The following ACTMAP variants were observed in gnomAD, a reference collection of about 807,000 sequenced individuals.
ACTMAP encodes the protein UPF0692 protein C19orf54.
the ACTMAP span, chr19:40,742,384 A>G: frequency 3.5e-6 from 5 of 1,432,818 alleles, no homozygotes; most frequent in Admixed American, 2.8e-5. Flanking sequence ...GTGTAGGCAC[A>G]CTTCAAATGG....
the ACTMAP span, among the ~76,000 whole-genome samples, chr19:40,748,590 C>T: frequency 6.6e-6 from 1 of 152,280 alleles, no homozygotes; most frequent in South Asian, 2.1e-4. Context: ...TCCTTTTCTG[C>T]ACAGAGCCTC....
the ACTMAP span, among the ~76,000 whole-genome samples, chr19:40,749,037 C>T: frequency 7.2e-6 from 1 of 139,822 alleles, no homozygotes; most frequent in African/African-American, 2.7e-5. Flanking sequence ...GTCTTCCAGG[C>T]TGGAGTGCAG....
At chr19:40,744,836 A>C in the ACTMAP span, 2 of 1,202,394 alleles carry the variant, frequency 1.7e-6, no homozygotes, top group Admixed American at 5.6e-5. Flanking sequence ...GGGAGAGCCC[A>C]GGGCTGGAGG....
At chr19:40,742,819 G>A in the ACTMAP span, 12 of 1,528,828 alleles carry the variant, frequency 7.8e-6, no homozygotes, top group Non-Finnish European at 9.7e-6. Flanking sequence ...GCCAGGACCA[G>A]GTGCTGGGGC....
At chr19:40,749,520 C>A in the ACTMAP span, 10 of 1,550,614 alleles carry the variant, frequency 6.4e-6, no homozygotes, top group Non-Finnish European at 8.7e-6. Context: ...CACATCTTCT[C>A]TGCCCTTGGG....
At chr19:40,749,134 T>C in the ACTMAP span, among the ~76,000 whole-genome samples, 1 of 151,700 alleles carries the variant, frequency 6.6e-6, no homozygotes, top group Non-Finnish European at 1.5e-5. Flanking sequence ...GGGACTACAG[T>C]TGCATGCCAC....
the ACTMAP span, chr19:40,744,646 GGA>G: frequency 5.9e-5 from 95 of 1,613,450 alleles, no homozygotes; most frequent in Non-Finnish European, 1.4e-5. Flanking sequence ...GGGGGCGACA[GGA>G]GAGTACCTGC....
At chr19:40,747,514 G>A in the ACTMAP span, among the ~76,000 whole-genome samples, 4 of 151,596 alleles carry the variant, frequency 2.6e-5, no homozygotes, top group Non-Finnish European at 5.9e-5. Flanking sequence ...CTCCAGTCTG[G>A]GCAATAAGAG....
At chr19:40,742,211 G>A in the ACTMAP span, 7 of 697,028 alleles carry the variant, frequency 1.0e-5, no homozygotes, top group Admixed American at 2.0e-5. Context: ...CAGACGATGC[G>A]ACATTCAGAT....
At chr19:40,744,015 G>C in the ACTMAP span, 1 of 1,614,016 alleles carries the variant, frequency 6.2e-7, no homozygotes, top group Non-Finnish European at 8.5e-7. Flanking sequence ...GTGTGGCCCT[G>C]GGACCCACCC....
chr19:40,743,988 T>C, the ACTMAP span: 1 of 1,613,984 alleles, frequency 6.2e-7, no homozygotes, highest in Non-Finnish European at 8.5e-7. Flanking sequence ...GGTGCTGGCA[T>C]TAAGGTAAAA....
chr19:40,747,464 G>A, the ACTMAP span, among the ~76,000 whole-genome samples: 1 of 152,108 alleles, frequency 6.6e-6, no homozygotes, highest in African/African-American at 2.4e-5. Flanking sequence ...CTTGAACCCG[G>A]GAGGCAGAGG....
the ACTMAP span, among the ~76,000 whole-genome samples, chr19:40,748,086 A>G: frequency 6.6e-6 from 1 of 152,200 alleles, no homozygotes; most frequent in Non-Finnish European, 1.5e-5. Flanking sequence ...AGCGCCTGAC[A>G]TAGGGTAAGG....
At chr19:40,746,867 T>C in the ACTMAP span, among the ~76,000 whole-genome samples, 97,770 of 151,684 alleles carry the variant, frequency 0.64, 32,062 homozygotes, top group Admixed American at 0.71. Context: ...AGTACAGTGG[T>C]GCGATCTTGG....
At chr19:40,742,245 G>C in the ACTMAP span, 1 of 725,414 alleles carries the variant, frequency 1.4e-6, no homozygotes, top group African/African-American at 1.7e-5. Context: ...CGCAGGGTCC[G>C]GGCTGTTGTC....
chr19:40,749,828 G>A, the ACTMAP span: 2 of 1,399,612 alleles, frequency 1.4e-6, no homozygotes, highest in Non-Finnish European at 1.9e-6. Flanking sequence ...GAGGTGTTGA[G>A]AGGTTCAGAA....
the ACTMAP span, chr19:40,744,079 G>A: frequency 9.3e-6 from 15 of 1,613,786 alleles, no homozygotes; most frequent in Non-Finnish European, 1.3e-5. Context: ...GATGAGCAGG[G>A]GATGTCCAGT....
chr19:40,748,840 C>T, the ACTMAP span, among the ~76,000 whole-genome samples: 1 of 152,166 alleles, frequency 6.6e-6, no homozygotes, highest in African/African-American at 2.4e-5. Flanking sequence ...CTCAGGGTTC[C>T]CCTTCTCCAA....
At chr19:40,744,366 A>G in the ACTMAP span, among the ~76,000 whole-genome samples, 7 of 152,270 alleles carry the variant, frequency 4.6e-5, no homozygotes, top group South Asian at 1.5e-3. Flanking sequence ...CCCAGCGAAG[A>G]GGTGGCAGAG....
Sources: allele counts gnomAD v4.1 joint callset (sites outside exome capture counted in the v4.1 genomes callset), GRCh38; gene constraint gnomAD v4.1.1; transcripts MANE v1.5; gene names NCBI Gene and HGNC (gene_info 2026-07-23, HGNC 2026-07-21).